Variants in MAP4 observed in about 807,000 individuals in gnomAD.
The protein encoded by MAP4 is microtubule associated protein 4.
A neutral mutation model predicts 170.2 loss-of-function variants in MAP4; 76 were observed. The observed-to-expected ratio is 0.45, with a 90% CI of 0.37 to 0.54. The LOEUF is 0.54. MAP4 is among the 20% of genes least tolerant of loss of function. The pLI, the probability that MAP4 is intolerant of heterozygous loss-of-function variation, is 0.00. For missense variants in MAP4, 2,506 were observed against 2,748.0 expected, an observed-to-expected ratio of 0.91 and a Z score of 1.97; for synonymous variants, 909 against 994.5, an observed-to-expected ratio of 0.91 and a Z score of 1.62.
chr3:48,047,010 C>T (rs1445946802), intron 1 of MAP4, among the ~76,000 whole-genome samples: 4 of 151,896 alleles, frequency 2.6e-5, no homozygotes, highest in Admixed American at 6.6e-5. Context: ...AGGAGAATGG[C>T]GTGAACCCAG....
At chr3:48,087,338 T>C (rs1049396570) in intron 1 of MAP4, among the ~76,000 whole-genome samples, 1 of 152,186 alleles carries the variant, frequency 6.6e-6, no homozygotes, top group East Asian at 1.9e-4. Flanking sequence ...CAGCTTGTAA[T>C]AGAGCATGAC....
chr3:48,014,546 C>T (rs1049526145), intron 1 of MAP4, among the ~76,000 whole-genome samples: 2 of 152,128 alleles, frequency 1.3e-5, no homozygotes, highest in African/African-American at 4.8e-5. Flanking sequence ...GTAGTCCCTG[C>T]TACTCAGGAG....
intron 2 of MAP4, among the ~76,000 whole-genome samples, chr3:47,978,342 G>C (rs908528239): frequency 6.6e-6 from 1 of 151,994 alleles, no homozygotes; most frequent in African/African-American, 2.4e-5. Flanking sequence ...TTTGAGATGG[G>C]GTTTTGCTCT....
intron 3 of MAP4, chr3:47,973,019 C>T: frequency 1.0e-6 from 1 of 985,096 alleles, no homozygotes; most frequent in Non-Finnish European, 1.2e-6. Context: ...AGTCTTTACC[C>T]AACTTGTGTT....
chr3:47,917,315 C>A (rs1177443609), intron 6 of MAP4, 141 bp from the exon 7 acceptor site: 8 of 693,930 alleles, frequency 1.2e-5, no homozygotes, highest in Non-Finnish European at 2.4e-6. Context: ...AGGCCGGGCA[C>A]AGTGGCTCAC....
At chr3:48,087,705 G>GCA (rs1174735685) in intron 1 of MAP4, among the ~76,000 whole-genome samples, 2 of 150,492 alleles carry the variant, frequency 1.3e-5, no homozygotes, top group East Asian at 2.0e-4. Flanking sequence ...GCGCGCGCGC[G>GCA]CACACACACA....
At chr3:47,905,387 G>A (rs1027896164) in intron 9 of MAP4, among the ~76,000 whole-genome samples, 4 of 152,054 alleles carry the variant, frequency 2.6e-5, no homozygotes, top group African/African-American at 9.7e-5. Flanking sequence ...AATGGATCAG[G>A]AAAGAAAGTC....
rs2100036054 is a variant in MAP4, at chr3:47,911,727, T to C, written c.2694A>G (p.Gln898=). ...GTGCAGGCTGTGGTTTGTATTCATG[T>C]TGCTTCAGCAATTTCTTGTCTTGGT... is the stretch of plus-strand genomic sequence containing the variant. The part of the protein sequence containing the change: ...LQNQDKKLLK[Q]HEYKPQPAPH... The change falls in exon 9 of 21, where the codon CAA becomes CAG. Residue 898 remains glutamine, a synonymous_variant. Transcript: ENST00000683076. The surrounding 1 kb of genome is among the most constrained non-coding windows in gnomAD (Gnocchi z 4.0). The C allele has an allele frequency of 2.0e-6, 3 of 1,536,144 alleles. No individual in the cohort carries two copies. The highest frequency in any genetic ancestry group is 2.0e-5 in the Admixed American group (1 of 50,998).
Position 47,916,540 on chromosome 3 carries a change from T to A in MAP4, c.1287A>T (p.Glu429Asp), listed in dbSNP as rs748987752. 6.2e-7 allele frequency: 1 copy of A among 1,614,030 alleles called. No homozygotes were observed. The highest frequency in any genetic ancestry group is 8.5e-7 in the Non-Finnish European group (1 of 1,179,940). Residue 429 changes from glutamate (E) to aspartate (D), a missense_variant, in exon 7 of 21, where the codon GAA becomes GAT. By Grantham distance (45) the Glu-to-Asp change is conservative. This residue lies in a region of MAP4 where 2,008 missense variants were observed against 2,206.0 expected (regional missense o/e 0.91). Coordinates refer to ENST00000683076, the MANE Select transcript of MAP4 (RefSeq NM_001385682.1). Reference sequence around the variant, plus strand: ...AAGCCACCTTCTCAGCAGAGGATATTTCTGTGGATGATATAATGTCATTAG... The same window carrying A: ...AAGCCACCTTCTCAGCAGAGGATATATCTGTGGATGATATAATGTCATTAG... Reference protein sequence around the residue: ...AQANDIISSTEISSAEKVALS... With the variant: ...AQANDIISSTDISSAEKVALS...
intron 1 of MAP4, among the ~76,000 whole-genome samples, chr3:48,073,252 TACACACACACACACACACAC>T (rs35163339): frequency 1.5e-3 from 204 of 134,582 alleles, no homozygotes; most frequent in African/African-American, 2.3e-3. Context: ...TCCAAAGGAA[TACACACACACACACACACAC>T]ACACACACAC....
At chr3:47,930,976 C>G (rs1373512787) in intron 3 of MAP4, among the ~76,000 whole-genome samples, 2 of 149,986 alleles carry the variant, frequency 1.3e-5, no homozygotes, top group African/African-American at 4.9e-5. Flanking sequence ...GACATTTTAC[C>G]AAAGAAAATA....
At chr3:48,088,536 T>G (rs1289767205) in intron 1 of MAP4, among the ~76,000 whole-genome samples, 1 of 44,406 alleles carries the variant, frequency 2.3e-5, no homozygotes, top group Non-Finnish European at 4.8e-5. Flanking sequence ...TCAGCCCCCC[T>G]CACTCCAAAG....
intron 17 of MAP4, among the ~76,000 whole-genome samples, chr3:47,858,754 T>A (rs924949026): frequency 2.6e-5 from 4 of 151,988 alleles, no homozygotes; most frequent in Non-Finnish European, 1.5e-5. Flanking sequence ...GCAGATCACC[T>A]GTGGCTAGGA....
At chr3:47,963,277 A>G (rs536919876) in intron 3 of MAP4, among the ~76,000 whole-genome samples, 20 of 152,240 alleles carry the variant, frequency 1.3e-4, no homozygotes, top group Non-Finnish European at 2.2e-4. Flanking sequence ...AACTGTAAGA[A>G]CTTTCTATGT....
At chr3:47,949,465 C>CAAAAAAAAAAAAAAA (rs60076214) in intron 3 of MAP4, among the ~76,000 whole-genome samples, 1 of 70,890 alleles carries the variant, frequency 1.4e-5, no homozygotes, top group Non-Finnish European at 2.6e-5. Flanking sequence ...GACTGCGTCC[C>CAAAAAAAAAAAAAAA]AAAAAAAAAA....
intron 7 of MAP4, among the ~76,000 whole-genome samples, 160 bp downstream of exon 7, chr3:47,915,791 G>A (rs551013097): frequency 6.6e-6 from 1 of 152,296 alleles, no homozygotes; most frequent in African/African-American, 2.4e-5. Flanking sequence ...TGGGAGGAGG[G>A]TAAAGGCGGG....
intron 4 of MAP4, 75 bp from the exon 5 acceptor site, chr3:47,921,953 CTT>C (rs1265575803): frequency 1.5e-3 from 871 of 598,484 alleles, no homozygotes; most frequent in South Asian, 2.2e-3. Context: ...TTCTTTCTTT[CTT>C]TTTTTTTTTT....
chr3:47,946,967 T>C (rs535991074), intron 3 of MAP4, among the ~76,000 whole-genome samples: 14 of 152,290 alleles, frequency 9.2e-5, no homozygotes, highest in African/African-American at 3.4e-4. Context: ...AACATTAAAC[T>C]GTATTCATAT....
chr3:47,980,313 C>T (rs930383612), intron 2 of MAP4, among the ~76,000 whole-genome samples: 3 of 152,144 alleles, frequency 2.0e-5, no homozygotes, highest in Non-Finnish European at 4.4e-5. Context: ...CTATATCTAA[C>T]ATTTTAGCAA....
Sources: gnomAD v4.1 joint callset for allele counts (sites outside exome capture counted in the v4.1 genomes callset) on GRCh38, gnomAD v4.1.1 for gene constraint, gnomAD v4.1.1 regional missense constraint, Gnocchi (gnomAD v3.1) non-coding constraint, MANE v1.5 for transcripts, NCBI Gene and HGNC (gene_info 2026-07-23, HGNC 2026-07-21) for gene names.